The following PKIB variants were observed in gnomAD, a reference collection of about 807,000 sequenced individuals.
The protein encoded by PKIB is cAMP-dependent protein kinase inhibitor beta.
Under a neutral mutation model 4.5 loss-of-function variants are expected in PKIB, and 2 were observed. The ratio of observed to expected loss-of-function variants is 0.44; its 90% CI spans 0.18 to 1.39. PKIB has a LOEUF of 1.39. PKIB is among the 40% of genes most tolerant of loss of function. PKIB has a pLI of 0.27. For missense variants in PKIB, 94 were observed against 92.6 expected (o/e 1.02, Z -0.06); for synonymous variants, 38 against 36.0 (o/e 1.06, Z -0.20).
rs1779200477 is a variant in PKIB at position 122,709,772 on chromosome 6, T to G, written c.-8-8015T>G. ...TAAGTATATATTAATTATAAATGCT[T>G]TCTGAAATGAAAGTTTAAAATTTAA... On this transcript the variant is annotated intron_variant, in intron 3 of 4. Coordinates refer to ENST00000368452, the MANE Select transcript of PKIB (RefSeq NM_181795.3). Among the ~76,000 whole-genome samples, 5 of 152,282 alleles carry G rather than the reference T, an allele frequency of 3.3e-5. No individual in the cohort carries two copies. The South Asian group carries it at 1.0e-3, about 32-fold the overall frequency.
intron 2 of PKIB, among the ~76,000 whole-genome samples, chr6:122,539,115 A>T (rs1388213622): frequency 2.6e-5 from 4 of 152,146 alleles, no homozygotes; most frequent in Admixed American, 2.6e-4. Context: ...TATACAATCA[A>T]TTCATCTGCA....
At chr6:122,659,371 T>C (rs940109503) in intron 2 of PKIB, among the ~76,000 whole-genome samples, 4 of 152,140 alleles carry the variant, frequency 2.6e-5, no homozygotes, top group African/African-American at 9.7e-5. Flanking sequence ...CCCTCAGAGA[T>C]TATGCAAAAT....
chr6:122,475,588 G>A lies in PKIB; in HGVS notation c.-336-2263G>A, dbSNP rs532363005. 2.0e-5 allele frequency among the ~76,000 whole-genome samples: 3 copies of A among 152,120 alleles called. No homozygotes were observed. In the East Asian group the frequency reaches 5.8e-4, roughly 30 times the overall value. On this transcript the variant is annotated intron_variant, in intron 1 of 6. Transcript: ENST00000392491. ...ATCACCTGAGGTCAGGAGTTTGAGA[G>A]CAGCCTGGCCAACATGGTGAAACCC...
intron 3 of PKIB, among the ~76,000 whole-genome samples, chr6:122,694,615 A>C (rs927965460): frequency 1.3e-5 from 2 of 152,042 alleles, no homozygotes; most frequent in African/African-American, 4.8e-5. Flanking sequence ...TTCTTTGTGG[A>C]GTGGTGCATA....
At chr6:122,526,712 T>C (rs920195128) in intron 2 of PKIB, among the ~76,000 whole-genome samples, 5 of 152,132 alleles carry the variant, frequency 3.3e-5, no homozygotes, top group African/African-American at 1.2e-4. Flanking sequence ...CAGAGTAGAT[T>C]TGGCATAATT....
In PKIB at chr6:122,641,204, A is replaced by T. The variant is rs1348096623; in HGVS notation, c.-76+7837A>T. Among the ~76,000 whole-genome samples the T allele has an allele frequency of 2.0e-5, 3 of 152,324 alleles. No homozygotes were observed. In the South Asian group the frequency reaches 6.2e-4, roughly 32 times the overall value. On this transcript the variant is annotated intron_variant, in intron 2 of 4. Coordinates refer to ENST00000368452, the MANE Select transcript of PKIB (RefSeq NM_181795.3). ...GTGTTTTTTAACTTACAAAAATAAT[A>T]TCACACTTCTTTTCAAAAGATTGTT...
chr6:122,614,414 T>C (rs1774899241), intron 1 of PKIB, among the ~76,000 whole-genome samples: 1 of 152,216 alleles, frequency 6.6e-6, no homozygotes, highest in African/African-American at 2.4e-5. Flanking sequence ...GATTCCTTCC[T>C]GTACCTCCCA....
In PKIB at chr6:122,485,147, C is replaced by G. The variant is rs1229760295; in HGVS notation, c.-248+7208C>G. Among the ~76,000 whole-genome samples the G allele has an allele frequency of 2.0e-5, 3 of 152,046 alleles. No individual in the cohort carries two copies. In the East Asian group the frequency reaches 5.8e-4, roughly 29 times the overall value. On this transcript the variant is annotated intron_variant, in intron 2 of 6. Coordinates refer to the PKIB transcript ENST00000392491. ...GGGGCTGCCTGATTTGTGAATCGTG[C>G]CTTGCTCAATTAAACTCCTTTAAAT...
intron 3 of PKIB, among the ~76,000 whole-genome samples, chr6:122,688,515 T>C (rs552591964): frequency 6.6e-6 from 1 of 152,182 alleles, no homozygotes; most frequent in Non-Finnish European, 1.5e-5. Context: ...TGGAATACTT[T>C]GAGTAGGACT....
In PKIB at chr6:122,551,072, G is replaced by A. The variant is rs1439596241; in HGVS notation, c.-247-34849G>A. Among the ~76,000 whole-genome samples, 6 of 152,102 alleles carry A rather than the reference G, an allele frequency of 3.9e-5. No homozygotes were observed. In the East Asian group the frequency reaches 7.7e-4, roughly 20 times the overall value. On this transcript the variant is annotated intron_variant, in intron 2 of 6. Transcript: ENST00000392491. ...TTTATCTCTTTTTGAGGTTATCTCT[G>A]TTATCCTAAAATTTCACTTATATGC...
intron 2 of PKIB, among the ~76,000 whole-genome samples, chr6:122,550,616 A>G (rs1445766005): frequency 6.6e-6 from 1 of 152,096 alleles, no homozygotes; most frequent in Non-Finnish European, 1.5e-5. Context: ...TAATTATTTT[A>G]TGGAGTCATA....
At chr6:122,598,229 C>A (rs1774238599) in intron 3 of PKIB, among the ~76,000 whole-genome samples, 1 of 152,218 alleles carries the variant, frequency 6.6e-6, no homozygotes, top group South Asian at 2.1e-4. Flanking sequence ...AATTAGTCTT[C>A]TGTCCATTCG....
intron 3 of PKIB, among the ~76,000 whole-genome samples, chr6:122,688,610 A>G (rs1029355360): frequency 6.6e-6 from 1 of 151,916 alleles, no homozygotes; most frequent in Non-Finnish European, 1.5e-5. Flanking sequence ...GAGACTTTTT[A>G]TTATGGCTTC....
chr6:122,619,132 T>C (rs953119163), intron 1 of PKIB, among the ~76,000 whole-genome samples: 2 of 148,168 alleles, frequency 1.3e-5, no homozygotes, highest in African/African-American at 4.9e-5. Flanking sequence ...ATCAACCTTT[T>C]GTATGTCTAT....
At chr6:122,626,890 G>A (rs1775466837) in intron 1 of PKIB, among the ~76,000 whole-genome samples, 1 of 151,962 alleles carries the variant, frequency 6.6e-6, no homozygotes, top group African/African-American at 2.4e-5. Context: ...TTCTTTACCT[G>A]ATAACAGCTA....
intron 2 of PKIB, among the ~76,000 whole-genome samples, chr6:122,554,353 A>G (rs967316168): frequency 6.6e-6 from 1 of 152,230 alleles, no homozygotes; most frequent in Non-Finnish European, 1.5e-5. Context: ...TGTGTTAATT[A>G]GCTTTCTATT....
At chr6:122,664,605 T>C (rs891910449) in intron 2 of PKIB, among the ~76,000 whole-genome samples, 3 of 152,044 alleles carry the variant, frequency 2.0e-5, no homozygotes, top group African/African-American at 4.8e-5. Flanking sequence ...AGAGGTAAAG[T>C]CTCACTATGT....
At chr6:122,672,294 G>A (rs532022950) in intron 2 of PKIB, among the ~76,000 whole-genome samples, 1 of 152,254 alleles carries the variant, frequency 6.6e-6, no homozygotes, top group South Asian at 2.1e-4. Context: ...CATCTTGAGT[G>A]TAGGCCTTCT....
At chr6:122,577,629 G>T (rs950273668) in intron 2 of PKIB, among the ~76,000 whole-genome samples, 1 of 152,078 alleles carries the variant, frequency 6.6e-6, no homozygotes, top group Non-Finnish European at 1.5e-5. Context: ...CATTTATTGG[G>T]CCGGGCGCTG....
Sources: allele counts gnomAD v4.1 joint callset (sites outside exome capture counted in the v4.1 genomes callset), GRCh38; gene constraint gnomAD v4.1.1; transcripts MANE v1.5; gene names NCBI Gene and HGNC (gene_info 2026-07-23, HGNC 2026-07-21).